Variants in SCAPER observed in about 807,000 individuals in gnomAD.
The protein encoded by SCAPER is S-phase cyclin A associated protein in the ER.
SCAPER carries 98 observed loss-of-function variants against 182.2 expected under a neutral mutation model. The observed-to-expected ratio is 0.54, with a 90% CI of 0.46 to 0.64. SCAPER has a LOEUF of 0.64. Among genes scored for constraint, SCAPER ranks in the 30% least tolerant of loss-of-function variants. The pLI, the probability that SCAPER is intolerant of heterozygous loss-of-function variation, is 0.00. For missense variants in SCAPER, 1,432 were observed against 1,690.0 expected (o/e 0.85, Z 2.68); for synonymous variants, 605 against 564.6 (o/e 1.07, Z -1.01).
chr15:76,504,010 C>G (rs35827241), intron 24 of SCAPER, among the ~76,000 whole-genome samples: 21,072 of 151,890 alleles, frequency 0.14, 2,103 homozygotes, highest in East Asian at 0.46. Flanking sequence ...TCTTAGCCTC[C>G]TGAGTAGCTG....
At chr15:76,559,758 G>A (rs2046465806) in intron 23 of SCAPER, among the ~76,000 whole-genome samples, 1 of 152,144 alleles carries the variant, frequency 6.6e-6, no homozygotes, top group Non-Finnish European at 1.5e-5. Flanking sequence ...CTTGGTAGGA[G>A]GTTGAGGACT....
intron 4 of SCAPER, among the ~76,000 whole-genome samples, chr15:76,854,225 T>C (rs2071086086): frequency 6.6e-6 from 1 of 151,806 alleles, no homozygotes; most frequent in Admixed American, 6.6e-5. Flanking sequence ...GCCGAGATCA[T>C]GCCACTGCAC....
At chr15:76,841,584 T>G in intron 5 of SCAPER, 150 bp downstream of exon 5, 1 of 736,630 alleles carries the variant, frequency 1.4e-6, no homozygotes, top group Non-Finnish European at 2.2e-6. Context: ...GAGGCAGAGG[T>G]TGTAATGAGC....
At chr15:76,706,750 C>T (rs2059282831) in intron 17 of SCAPER, among the ~76,000 whole-genome samples, 1 of 152,142 alleles carries the variant, frequency 6.6e-6, no homozygotes, top group South Asian at 2.1e-4. Flanking sequence ...TACTTTTTAA[C>T]TCACACAGCA....
chr15:76,667,998 A>T (rs929537500), intron 20 of SCAPER, among the ~76,000 whole-genome samples: 3 of 152,124 alleles, frequency 2.0e-5, no homozygotes, highest in Non-Finnish European at 4.4e-5. Flanking sequence ...CAAAATCTCC[A>T]GTTAGGTGGA....
chr15:76,630,644 T>C (rs751760385), intron 21 of SCAPER, among the ~76,000 whole-genome samples: 49 of 152,320 alleles, frequency 3.2e-4, no homozygotes, highest in Middle Eastern at 3.4e-3. Flanking sequence ...TCTAATTTGA[T>C]TGCGCTGTGG....
At chr15:76,807,434 G>A (rs1244373928) in intron 5 of SCAPER, among the ~76,000 whole-genome samples, 1 of 151,978 alleles carries the variant, frequency 6.6e-6, no homozygotes, top group Non-Finnish European at 1.5e-5. Context: ...TTTATGTGCT[G>A]CTAGATTTGG....
chr15:76,611,928 T>C (rs953331732), intron 22 of SCAPER, among the ~76,000 whole-genome samples: 2 of 152,172 alleles, frequency 1.3e-5, no homozygotes, highest in African/African-American at 4.8e-5. Flanking sequence ...AAACTAGGTA[T>C]TGGAGGAATA....
intron 8 of SCAPER, among the ~76,000 whole-genome samples, chr15:76,783,769 G>A (rs1056811858): frequency 1.3e-5 from 2 of 151,876 alleles, no homozygotes; most frequent in Admixed American, 6.6e-5. Context: ...TATATAAACA[G>A]AAAAAAAGAC....
chr15:76,678,515 C>G (rs1045898993), intron 20 of SCAPER, among the ~76,000 whole-genome samples: 10 of 152,198 alleles, frequency 6.6e-5, no homozygotes, highest in African/African-American at 2.4e-4. Flanking sequence ...TTATAATACT[C>G]CCTCACTGCC....
chr15:76,866,183 A>C (rs2072281170), intron 2 of SCAPER, among the ~76,000 whole-genome samples: 1 of 152,086 alleles, frequency 6.6e-6, no homozygotes, highest in African/African-American at 2.4e-5. Context: ...TTTCAGCTCT[A>C]CTTCAGATAA....
intron 14 of SCAPER, among the ~76,000 whole-genome samples, chr15:76,756,243 C>CCA (rs1555573985): frequency 1.5e-5 from 1 of 66,020 alleles, no homozygotes; most frequent in Admixed American, 1.6e-4. Flanking sequence ...GACTCCGTCT[C>CCA]AAAAAAAAAA....
intron 21 of SCAPER, among the ~76,000 whole-genome samples, chr15:76,647,965 C>A (rs1406134211): frequency 6.6e-6 from 1 of 152,048 alleles, no homozygotes; most frequent in Non-Finnish European, 1.5e-5. Flanking sequence ...AAATGCATTA[C>A]AGAATTAAAT....
chr15:76,683,405 T>C (rs2057846309), intron 20 of SCAPER, among the ~76,000 whole-genome samples: 3 of 152,050 alleles, frequency 2.0e-5, no homozygotes, highest in African/African-American at 4.8e-5. Flanking sequence ...TATGGGATTA[T>C]GTAACAAGAC....
At chr15:76,426,147 C>A (rs749337076) in intron 26 of SCAPER, among the ~76,000 whole-genome samples, 5 of 152,196 alleles carry the variant, frequency 3.3e-5, no homozygotes, top group Non-Finnish European at 7.3e-5. Context: ...AGCTGTCAGA[C>A]AGGGACATTT....
intron 22 of SCAPER, among the ~76,000 whole-genome samples, chr15:76,578,038 T>C (rs1013238419): frequency 3.3e-5 from 5 of 151,874 alleles, no homozygotes; most frequent in African/African-American, 1.2e-4. Context: ...CCCTTGGGCC[T>C]TGAGTGAACA....
intron 5 of SCAPER, among the ~76,000 whole-genome samples, chr15:76,807,236 A>T (rs1430832126): frequency 6.6e-6 from 1 of 152,192 alleles, no homozygotes; most frequent in African/African-American, 2.4e-5. Context: ...GAATTTCCCT[A>T]TTGAATGTTT....
intron 26 of SCAPER, among the ~76,000 whole-genome samples, chr15:76,423,715 G>A (rs113117595): frequency 2.0e-4 from 31 of 152,250 alleles, no homozygotes; most frequent in Non-Finnish European, 3.5e-4. Flanking sequence ...TGATGTTAGG[G>A]TGTCAATTTT....
chr15:76,820,083 G>A (rs1206681978), intron 5 of SCAPER, among the ~76,000 whole-genome samples: 2 of 152,088 alleles, frequency 1.3e-5, no homozygotes, highest in East Asian at 3.9e-4. Context: ...AAAAAGTCAG[G>A]AAACAACAGG....
Sources: gnomAD v4.1 joint callset for allele counts (sites outside exome capture counted in the v4.1 genomes callset) on GRCh38, gnomAD v4.1.1 for gene constraint, MANE v1.5 for transcripts, NCBI Gene and HGNC (gene_info 2026-07-23, HGNC 2026-07-21) for gene names.